Variants in USP32 observed in about 807,000 individuals in gnomAD.
USP32 encodes the protein ubiquitin specific peptidase 32.
USP32 carries 59 observed loss-of-function variants against 204.8 expected under a neutral mutation model. The observed-to-expected ratio is 0.29, with a 90% CI of 0.23 to 0.36. The LOEUF (loss-of-function observed/expected upper bound fraction) is 0.36, where lower values mean the gene tolerates loss of function less well. Ranked by LOEUF, USP32 falls within the 10% of genes least tolerant of loss-of-function variation. USP32 has a pLI of 1.00. For missense variants in USP32, 1,160 were observed against 1,946.4 expected (o/e 0.60, Z 7.60); for synonymous variants, 517 against 678.4 (o/e 0.76, Z 3.70).
intron 2 of USP32, among the ~76,000 whole-genome samples, chr17:60,328,244 T>C (rs1278736976): frequency 3.3e-5 from 5 of 152,174 alleles, no homozygotes; most frequent in Admixed American, 2.6e-4. Flanking sequence ...CAGCCAGAGC[T>C]GTACAGATGA....
At chr17:60,180,765 C>T (rs1205401538) in intron 32 of USP32, 128 bp from the exon 33 acceptor site, 5 of 969,126 alleles carry the variant, frequency 5.2e-6, no homozygotes, top group Non-Finnish European at 7.4e-6. Flanking sequence ...TATTTTAGAA[C>T]CCTCTAACTT....
intron 1 of USP32, among the ~76,000 whole-genome samples, chr17:60,391,034 C>T (rs1264960875): frequency 3.9e-5 from 6 of 152,148 alleles, no homozygotes; most frequent in African/African-American, 1.4e-4. Flanking sequence ...GTTGGGGCTG[C>T]CAACAATATA....
intron 4 of USP32, among the ~76,000 whole-genome samples, chr17:60,289,108 C>T (rs1157824537): frequency 6.6e-6 from 1 of 152,096 alleles, no homozygotes; most frequent in Non-Finnish European, 1.5e-5. Flanking sequence ...CCCGGGTTCA[C>T]GCCATTCTCC....
intron 11 of USP32, among the ~76,000 whole-genome samples, chr17:60,240,296 G>A (rs1429467151): frequency 6.6e-6 from 1 of 152,190 alleles, no homozygotes; most frequent in Admixed American, 6.5e-5. Flanking sequence ...GACTGCTATA[G>A]TTGTTTGTTT....
intron 26 of USP32, among the ~76,000 whole-genome samples, chr17:60,199,278 C>T (rs1238567769): frequency 6.6e-6 from 1 of 151,958 alleles, no homozygotes; most frequent in East Asian, 1.9e-4. Flanking sequence ...ACAAGCTTAT[C>T]CACCTTCCTA....
intron 2 of USP32, among the ~76,000 whole-genome samples, chr17:60,315,336 G>A (rs767432355): frequency 2.2e-4 from 34 of 152,224 alleles, no homozygotes; most frequent in Non-Finnish European, 3.7e-4. Context: ...GAAGGCAGAG[G>A]TTGCAGTGAG....
At chr17:60,331,372 C>G (rs2088378557) in intron 2 of USP32, among the ~76,000 whole-genome samples, 1 of 151,936 alleles carries the variant, frequency 6.6e-6, no homozygotes, top group South Asian at 2.1e-4. Flanking sequence ...TCAAGACCAG[C>G]CTGGGGAACA....
At chr17:60,208,286 T>C in intron 23 of USP32, 76 bp from the exon 24 acceptor site, 1 of 1,398,774 alleles carries the variant, frequency 7.1e-7, no homozygotes, top group South Asian at 1.9e-5. Flanking sequence ...TACAGATATA[T>C]CTGACCTGTA....
At chr17:60,227,444 A>G in intron 12 of USP32, among the ~76,000 whole-genome samples, 1 of 151,628 alleles carries the variant, frequency 6.6e-6, no homozygotes, top group Non-Finnish European at 1.5e-5. Flanking sequence ...TAATTTTTGT[A>G]GTTTTCATAG....
chr17:60,228,497 TTTTC>T (rs1221532685), intron 12 of USP32, among the ~76,000 whole-genome samples: 2 of 140,764 alleles, frequency 1.4e-5, no homozygotes, highest in Non-Finnish European at 3.0e-5. Flanking sequence ...TCTTTTTTCT[TTTTC>T]TTTTTTTTTT....
chr17:60,310,050 A>AT (rs984668141), intron 2 of USP32, among the ~76,000 whole-genome samples: 1 of 152,096 alleles, frequency 6.6e-6, no homozygotes, highest in African/African-American at 2.4e-5. Context: ...TCAAGGAAAA[A>AT]AAAAAGAAAG....
chr17:60,256,748 G>GA, intron 9 of USP32: 3 of 1,182,308 alleles, frequency 2.5e-6, no homozygotes, highest in Non-Finnish European at 3.2e-6. Flanking sequence ...GGCTATGTAA[G>GA]ATCTGCCAAT....
intron 5 of USP32, among the ~76,000 whole-genome samples, chr17:60,283,421 G>A (rs1353203092): frequency 3.9e-5 from 6 of 152,186 alleles, no homozygotes; most frequent in African/African-American, 1.4e-4. Context: ...TCAATTTAAT[G>A]TGAATTAAAA....
chr17:60,417,846 G>A (rs1477330360), intron 1 of USP32, among the ~76,000 whole-genome samples: 3 of 151,702 alleles, frequency 2.0e-5, no homozygotes, highest in Non-Finnish European at 4.4e-5. Context: ...CTGGAGGGCA[G>A]TGGCACAATC....
chr17:60,411,363 T>TAAATAAA (rs1567900583), intron 1 of USP32, among the ~76,000 whole-genome samples: 6 of 121,980 alleles, frequency 4.9e-5, no homozygotes, highest in African/African-American at 8.8e-5. Flanking sequence ...AAATAAATAA[T>TAAATAAA]TAGCCAGCCA....
intron 11 of USP32, among the ~76,000 whole-genome samples, chr17:60,237,107 ATCTACTCTATCTATCT>A (rs2085746581): frequency 7.2e-6 from 1 of 138,136 alleles, no homozygotes; most frequent in South Asian, 2.4e-4. Context: ...AAAAAAAAAA[ATCTACTCTATCTATCT>A]ATCTATCTAT....
intron 13 of USP32, among the ~76,000 whole-genome samples, chr17:60,225,328 G>T (rs941944239): frequency 2.0e-5 from 3 of 151,664 alleles, no homozygotes; most frequent in African/African-American, 7.3e-5. Flanking sequence ...ATGGTGGCGC[G>T]TGCCTGTAGT....
In USP32 at chr17:60,368,038, C is replaced by T. The variant is rs545638735; in HGVS notation, c.59-22430G>A. Among the ~76,000 whole-genome samples, 6 of 152,226 alleles carry T rather than the reference C, an allele frequency of 3.9e-5. No individual in the cohort carries two copies. In the East Asian group the frequency reaches 1.2e-3, roughly 29 times the overall value. On this transcript the variant is annotated intron_variant, in intron 1 of 33. Coordinates refer to ENST00000300896, the MANE Select transcript of USP32 (RefSeq NM_032582.4). ...CACCATTTTATATAAGAAACATGAG[C>T]ATCCTTGGATTTCAGTATCTGCAGG...
In USP32 at chr17:60,191,504, T is replaced by TTTA. The variant is rs755773658; in HGVS notation, c.3522-824_3522-822dup. On this transcript the variant is annotated intron_variant, in intron 28 of 33. Coordinates refer to ENST00000300896, the MANE Select transcript of USP32 (RefSeq NM_032582.4). The stretch of plus-strand genomic sequence containing the variant: ...ATAAAGTCATGGTTCCAATGCCTAC[T>TTTA]TTATTATTATTATTATTTTTCTTGA... Among the ~76,000 whole-genome samples the TTTA allele has an allele frequency of 1.8e-4, 27 of 151,206 alleles. No homozygotes were observed. In the East Asian group the frequency reaches 2.5e-3, roughly 14 times the overall value.
Sources: gnomAD v4.1 joint callset for allele counts (sites outside exome capture counted in the v4.1 genomes callset) on GRCh38, gnomAD v4.1.1 for gene constraint, MANE v1.5 for transcripts, NCBI Gene and HGNC (gene_info 2026-07-23, HGNC 2026-07-21) for gene names.